Variants in BRINP3 observed in about 807,000 individuals in gnomAD.
BRINP3 encodes the protein BMP/retinoic acid-inducible neural-specific protein 3.
BRINP3 carries 19 observed loss-of-function variants against 71.0 expected under a neutral mutation model. The observed-to-expected ratio is 0.27, with a 90% CI of 0.19 to 0.39. BRINP3 has a LOEUF of 0.39. Among genes scored for constraint, BRINP3 ranks in the 10% least tolerant of loss-of-function variants. BRINP3 has a pLI of 1.00. For synonymous variants in BRINP3, 380 were observed against 337.7 expected (o/e 1.13, Z -1.37); for missense variants, 959 against 940.8 (o/e 1.02, Z -0.25).
At chr1:190,463,913 G>C (rs1287288356) in intron 1 of BRINP3, among the ~76,000 whole-genome samples, 1 of 151,784 alleles carries the variant, frequency 6.6e-6, no homozygotes, top group Non-Finnish European at 1.5e-5. Flanking sequence ...ATGAAATCTT[G>C]TTTTGCACAA....
In BRINP3 at chr1:190,319,727, G is replaced by A. The variant is rs1221879301; in HGVS notation, c.237-37977C>T. On this transcript the variant is annotated intron_variant, in intron 2 of 7. Coordinates refer to ENST00000367462, the MANE Select transcript of BRINP3 (RefSeq NM_199051.3). Reference sequence around the variant, plus strand: ...ACTATCACAACAACAGCACCAAGGGGGATGATGTGTGTCAAACCATGAGAA... The same window carrying A: ...ACTATCACAACAACAGCACCAAGGGAGATGATGTGTGTCAAACCATGAGAA... 2.6e-5 allele frequency among the ~76,000 whole-genome samples: 4 copies of A among 151,990 alleles called. No individual in the cohort carries two copies. In the East Asian group the frequency reaches 7.8e-4, roughly 30 times the overall value.
intron 2 of BRINP3, among the ~76,000 whole-genome samples, chr1:190,299,200 A>C (rs951869749): frequency 1.3e-5 from 2 of 151,888 alleles, no homozygotes; most frequent in Non-Finnish European, 2.9e-5. Context: ...TTATATTTGA[A>C]GTGTGTTTTT....
intron 4 of BRINP3, among the ~76,000 whole-genome samples, chr1:190,240,623 A>T (rs1480284189): frequency 1.3e-5 from 2 of 152,038 alleles, no homozygotes; most frequent in Non-Finnish European, 2.9e-5. Flanking sequence ...TAATCCCAGC[A>T]CTTTGGGAGG....
chr1:190,163,589 T>C (rs1417890859), intron 6 of BRINP3, among the ~76,000 whole-genome samples: 1 of 147,270 alleles, frequency 6.8e-6, no homozygotes, highest in Non-Finnish European at 1.5e-5. Context: ...TTCTTAAAAC[T>C]TTTCACATGA....
At chr1:190,442,387 CAA>C (rs1443098525) in intron 2 of BRINP3, among the ~76,000 whole-genome samples, 4 of 152,078 alleles carry the variant, frequency 2.6e-5, no homozygotes, top group Admixed American at 6.5e-5. Context: ...TTCTGGCTGA[CAA>C]GAGAGGTAGT....
intron 2 of BRINP3, among the ~76,000 whole-genome samples, chr1:190,356,622 G>A (rs998678353): frequency 1.3e-5 from 2 of 151,790 alleles, no homozygotes; most frequent in African/African-American, 4.8e-5. Flanking sequence ...CAGACCTCCT[G>A]CCTCTCTTTT....
Position 190,447,397 on chromosome 1 carries a change from A to T in BRINP3, c.236+7258T>A, listed in dbSNP as rs866598589. Among the ~76,000 whole-genome samples the T allele has an allele frequency of 4.7e-4, 69 of 147,396 alleles. 1 individual carries two copies. The highest frequency in any genetic ancestry group is 2.1e-3 in the South Asian group (10 of 4,758). ...AATAGCTTATTATACACTAGAAATA[A>T]GATGTATTAATTTCTTTTTAATTTC... On this transcript the variant is annotated intron_variant, in intron 2 of 7. Coordinates refer to ENST00000367462, the MANE Select transcript of BRINP3 (RefSeq NM_199051.3).
chr1:190,253,709 T>C (rs1212209506), intron 4 of BRINP3, among the ~76,000 whole-genome samples: 1 of 152,216 alleles, frequency 6.6e-6, no homozygotes, highest in African/African-American at 2.4e-5. Flanking sequence ...GCAAAAATTT[T>C]CTCCCATTCT....
At chr1:190,385,513 A>G (rs1023698792) in intron 2 of BRINP3, among the ~76,000 whole-genome samples, 2 of 152,032 alleles carry the variant, frequency 1.3e-5, no homozygotes, top group Non-Finnish European at 2.9e-5. Context: ...GAGAAATGCA[A>G]ATCAAAACCA....
intron 2 of BRINP3, among the ~76,000 whole-genome samples, chr1:190,339,707 C>A (rs921808300): frequency 6.6e-6 from 1 of 151,812 alleles, no homozygotes; most frequent in Non-Finnish European, 1.5e-5. Flanking sequence ...TTAAAACAAG[C>A]CAAACCCTTT....
chr1:190,315,340 A>C (rs754591580), intron 2 of BRINP3, among the ~76,000 whole-genome samples: 2 of 152,082 alleles, frequency 1.3e-5, no homozygotes, highest in Non-Finnish European at 2.9e-5. Context: ...TGGTGTTCCC[A>C]AGGAGGAAAT....
chr1:190,274,404 G>A (rs745833186), intron 3 of BRINP3, among the ~76,000 whole-genome samples: 22 of 151,306 alleles, frequency 1.5e-4, no homozygotes, highest in East Asian at 3.9e-4. Flanking sequence ...ATGTCTTCCC[G>A]GTCATTCAAC....
At chr1:190,303,625 ATATTT>A (rs1213554964) in intron 2 of BRINP3, among the ~76,000 whole-genome samples, 1 of 151,780 alleles carries the variant, frequency 6.6e-6, no homozygotes, top group Non-Finnish European at 1.5e-5. Flanking sequence ...GCTTGAGTAA[ATATTT>A]TATAAATTAA....
chr1:190,316,094 G>A (rs544486632), intron 2 of BRINP3, among the ~76,000 whole-genome samples: 2 of 151,150 alleles, frequency 1.3e-5, no homozygotes, highest in African/African-American at 4.9e-5. Flanking sequence ...AGCAACGTGG[G>A]GCCCAGAATG....
At chr1:190,427,138 T>C (rs1163678829) in intron 2 of BRINP3, among the ~76,000 whole-genome samples, 1 of 151,970 alleles carries the variant, frequency 6.6e-6, no homozygotes, top group Non-Finnish European at 1.5e-5. Context: ...AAAACACTTA[T>C]ATTTATCTAA....
intron 7 of BRINP3, among the ~76,000 whole-genome samples, chr1:190,159,373 C>T (rs1053774802): frequency 1.3e-5 from 2 of 151,900 alleles, no homozygotes; most frequent in African/African-American, 4.8e-5. Flanking sequence ...TTGGTATATA[C>T]CCAAGAAAAT....
intron 6 of BRINP3, among the ~76,000 whole-genome samples, chr1:190,206,252 T>C (rs1216171570): frequency 1.3e-5 from 2 of 152,124 alleles, no homozygotes; most frequent in East Asian, 1.9e-4. Context: ...AAAATAAACA[T>C]GGAACTCTTG....
chr1:190,311,355 A>C (rs1285019927), intron 2 of BRINP3, among the ~76,000 whole-genome samples: 1 of 151,738 alleles, frequency 6.6e-6, no homozygotes, highest in Admixed American at 6.6e-5. Context: ...TGGATAAATG[A>C]AAGTGAGGAG....
intron 6 of BRINP3, among the ~76,000 whole-genome samples, chr1:190,196,660 T>A (rs979469373): frequency 7.9e-5 from 12 of 151,868 alleles, no homozygotes; most frequent in Non-Finnish European, 1.5e-4. Context: ...ACTGATAGGT[T>A]TTTTTTTGTT....
Sources: gnomAD v4.1 joint callset for allele counts (sites outside exome capture counted in the v4.1 genomes callset) on GRCh38, gnomAD v4.1.1 for gene constraint, MANE v1.5 for transcripts, NCBI Gene and HGNC (gene_info 2026-07-23, HGNC 2026-07-21) for gene names.